Variants in FHOD3 observed in about 807,000 individuals in gnomAD.
FHOD3 encodes the protein formin homology 2 domain containing 3.
In FHOD3, 90 loss-of-function variants were observed where a neutral mutation model predicts 173.0. That is an observed-to-expected ratio of 0.52 (90% CI 0.44 to 0.62). The LOEUF (loss-of-function observed/expected upper bound fraction) is 0.62, where lower values mean the gene tolerates loss of function less well. Among genes scored for constraint, FHOD3 ranks in the 20% least tolerant of loss-of-function variants. FHOD3 has a pLI of 0.00. For missense variants in FHOD3, 1,945 were observed against 2,034.7 expected (o/e 0.96, Z 0.85); for synonymous variants, 828 against 823.0 (o/e 1.01, Z -0.10).
At chr18:36,385,541 C>T (rs967910346) in intron 3 of FHOD3, among the ~76,000 whole-genome samples, 8 of 152,020 alleles carry the variant, frequency 5.3e-5, no homozygotes, top group Non-Finnish European at 1.0e-4. Flanking sequence ...GGATTATAGG[C>T]GCCCACCACC....
intron 10 of FHOD3, among the ~76,000 whole-genome samples, 179 bp from the exon 11 acceptor site, chr18:36,649,137 A>G (rs2035877592): frequency 6.6e-6 from 1 of 151,012 alleles, no homozygotes; most frequent in Non-Finnish European, 1.5e-5. Flanking sequence ...CTTGTCTCCT[A>G]ACAGACTGAG....
chr18:36,353,063 C>T (rs561876285), intron 1 of FHOD3, among the ~76,000 whole-genome samples: 4 of 152,286 alleles, frequency 2.6e-5, no homozygotes, highest in Non-Finnish European at 5.9e-5. Flanking sequence ...GGAGGCAGCT[C>T]CTGTGTGTTT....
At chr18:36,604,521 T>C (rs1249914251) in intron 8 of FHOD3, among the ~76,000 whole-genome samples, 1 of 152,168 alleles carries the variant, frequency 6.6e-6, no homozygotes, top group African/African-American at 2.4e-5. Context: ...TTAGTTAACA[T>C]TGGTGGGGAC....
At chr18:36,530,462 G>C (rs2056736045) in intron 5 of FHOD3, among the ~76,000 whole-genome samples, 1 of 152,224 alleles carries the variant, frequency 6.6e-6, no homozygotes, top group Non-Finnish European at 1.5e-5. Flanking sequence ...CCTTGGCACA[G>C]AGGACTTGTG....
chr18:36,635,422 A>C (rs1479771031), intron 10 of FHOD3, among the ~76,000 whole-genome samples: 2 of 152,182 alleles, frequency 1.3e-5, no homozygotes, highest in African/African-American at 4.8e-5. Context: ...TTTCTGCAGG[A>C]GCATTCTGGG....
intron 13 of FHOD3, among the ~76,000 whole-genome samples, 187 bp downstream of exon 13, chr18:36,653,603 G>A (rs2149126979): frequency 6.6e-6 from 1 of 152,308 alleles, no homozygotes; most frequent in South Asian, 2.1e-4. Context: ...AAATGGAGAT[G>A]AGGGCAGAGG....
At position 36,421,524 on chromosome 18, in the gene FHOD3, G is replaced by T. The variant is rs189503159; in HGVS notation, c.337+48780G>T. Among the ~76,000 whole-genome samples, 6 of 152,276 alleles carry T rather than the reference G, an allele frequency of 3.9e-5. No individual in the cohort carries two copies. In the East Asian group the frequency reaches 1.2e-3, roughly 29 times the overall value. The stretch of plus-strand genomic sequence containing the variant: ...ATTGGTTTTTATGGCTTCCATTTTA[G>T]AATGAAAAAGACGATAGTGATTGGC... On this transcript the variant is annotated intron_variant, in intron 3 of 28. Transcript: ENST00000590592.
intron 8 of FHOD3, among the ~76,000 whole-genome samples, chr18:36,607,556 T>A (rs561260608): frequency 6.6e-6 from 1 of 152,344 alleles, no homozygotes; most frequent in African/African-American, 2.4e-5. Flanking sequence ...CACTTGGTCA[T>A]GCCTTTGGTT....
chr18:36,411,887 C>G (rs997782901), intron 3 of FHOD3, among the ~76,000 whole-genome samples: 6 of 152,256 alleles, frequency 3.9e-5, no homozygotes, highest in Admixed American at 2.6e-4. Context: ...CTGGCTTTTT[C>G]TCTTTGGGTA....
chr18:36,383,094 C>A (rs545247056), intron 3 of FHOD3, among the ~76,000 whole-genome samples: 1 of 152,344 alleles, frequency 6.6e-6, no homozygotes, highest in African/African-American at 2.4e-5. Context: ...GTGCAGGCGG[C>A]TGTTTCCACA....
chr18:36,546,161 G>T (rs2057402723), intron 5 of FHOD3, among the ~76,000 whole-genome samples: 1 of 152,226 alleles, frequency 6.6e-6, no homozygotes, highest in South Asian at 2.1e-4. Context: ...ATTGGCTCTG[G>T]CTGGTGTTAC....
At chr18:36,380,077 CAT>C (rs2047661105) in intron 3 of FHOD3, among the ~76,000 whole-genome samples, 1 of 151,916 alleles carries the variant, frequency 6.6e-6, no homozygotes, top group Non-Finnish European at 1.5e-5. Flanking sequence ...AGAAAAAAAA[CAT>C]ATAGAAAGCA....
At chr18:36,750,171 C>T (rs180718069) in intron 24 of FHOD3, among the ~76,000 whole-genome samples, 79 of 152,098 alleles carry the variant, frequency 5.2e-4, no homozygotes, top group African/African-American at 1.7e-3. Flanking sequence ...CACCTGTAGT[C>T]CCAGCTACTC....
chr18:36,596,402 C>G lies in FHOD3; in HGVS notation c.718+1504C>G, dbSNP rs189695210. On this transcript the variant is annotated intron_variant, in intron 7 of 28. Coordinates refer to ENST00000590592, the MANE Select transcript of FHOD3 (RefSeq NM_001281740.3). ...GTATCACCGTGTTAGCCAGCACGGT[C>G]TCAGTCTCCTGACCTTGTGATCCAC... is the stretch of plus-strand genomic sequence containing the variant. Among the ~76,000 whole-genome samples, 221 of 136,004 alleles carry G rather than the reference C, an allele frequency of 1.6e-3. 3 individuals are homozygous for G. The Admixed American group carries it at 0.017, about 10-fold the overall frequency. The allele number at this position is 136,004 out of a possible 152,430, so 89.2% of individuals were successfully genotyped here.
At chr18:36,529,754 C>G (rs917179594) in intron 5 of FHOD3, among the ~76,000 whole-genome samples, 3 of 151,938 alleles carry the variant, frequency 2.0e-5, no homozygotes, top group Non-Finnish European at 2.9e-5. Context: ...GAGCTGAGAT[C>G]GCGCCACTGC....
chr18:36,396,074 G>T (rs1168966186), intron 3 of FHOD3, among the ~76,000 whole-genome samples: 1 of 152,114 alleles, frequency 6.6e-6, no homozygotes, highest in Admixed American at 6.6e-5. Context: ...AACATTTTAT[G>T]TCCTTGTTAC....
intron 5 of FHOD3, among the ~76,000 whole-genome samples, chr18:36,536,423 G>T (rs1599557820): frequency 6.6e-6 from 1 of 152,198 alleles, no homozygotes; most frequent in South Asian, 2.1e-4. Flanking sequence ...TAACAAAAAT[G>T]GATTTAAGAA....
chr18:36,411,014 G>A lies in FHOD3; in HGVS notation c.337+38270G>A, dbSNP rs182800768. 1.3e-4 allele frequency among the ~76,000 whole-genome samples: 20 copies of A among 152,066 alleles called. 1 individual carries two copies. Among genetic ancestry groups the A allele is most frequent in the Non-Finnish European group, 2.9e-5 (2 of 67,948 alleles). ...TAAACAGAAAGTTTTTAATTTTGAT[G>A]CAATCTAATTTACCCAGTTTTTTCT... is the stretch of plus-strand genomic sequence containing the variant. On this transcript the variant is annotated intron_variant, in intron 3 of 28. Transcript: ENST00000590592.
intron 3 of FHOD3, among the ~76,000 whole-genome samples, chr18:36,375,792 C>G (rs1234036254): frequency 6.6e-6 from 1 of 152,042 alleles, no homozygotes; most frequent in Non-Finnish European, 1.5e-5. Flanking sequence ...AAGCATTTGG[C>G]CGGAGGTTGG....
Sources: gnomAD v4.1 joint callset for allele counts (sites outside exome capture counted in the v4.1 genomes callset) on GRCh38, gnomAD v4.1.1 for gene constraint, MANE v1.5 for transcripts, NCBI Gene and HGNC (gene_info 2026-07-23, HGNC 2026-07-21) for gene names.